Variants in PCDHA3 observed in about 807,000 individuals in gnomAD.
PCDHA3 encodes protocadherin alpha-3.
PCDHA3 carries 41 observed loss-of-function variants against 62.2 expected under a neutral mutation model. That is an observed-to-expected ratio of 0.66 (90% CI 0.51 to 0.86). The LOEUF is 0.86. Ranked by LOEUF, PCDHA3 falls within the 40% of genes least tolerant of loss-of-function variation. The pLI, the probability that PCDHA3 is intolerant of heterozygous loss-of-function variation, is 0.00. For synonymous variants in PCDHA3, 640 were observed against 555.4 expected (o/e 1.15, Z -2.14); for missense variants, 1,304 against 1,241.2 (o/e 1.05, Z -0.76).
chr5:140,999,265 A>G (rs1554256725), intron 3 of PCDHA3, among the ~76,000 whole-genome samples: 1 of 152,226 alleles, frequency 6.6e-6, no homozygotes, highest in African/African-American at 2.4e-5. Flanking sequence ...GTAAAGGAAT[A>G]CTGCATAGTA....
intron 1 of PCDHA3, among the ~76,000 whole-genome samples, chr5:140,934,505 G>C (rs155823): frequency 0.32 from 48,260 of 151,744 alleles, 8,006 homozygotes; most frequent in East Asian, 0.53. Flanking sequence ...ACACCCAAAG[G>C]GTCCATAGAC....
chr5:140,935,379 C>T (rs2090338823), intron 1 of PCDHA3, among the ~76,000 whole-genome samples: 1 of 152,196 alleles, frequency 6.6e-6, no homozygotes, highest in African/African-American at 2.4e-5. Context: ...CAGAATTACT[C>T]ATTTGTTATC....
rs1230159283 is a variant in PCDHA3 at position 140,801,784 on chromosome 5, T to G, written c.587T>G (p.Leu196Trp). ...GAAATTAAATCCCTTGGACTCGTGT[T>G]GAAAAAAAATTTAAATCGAGAGGAC... is the stretch of plus-strand genomic sequence containing the variant. ...DEEIKSLGLV[L>W]KKNLNREDTP... Residue 196 changes from leucine to tryptophan, a missense_variant, in exon 1 of 4, where the codon TTG becomes TGG. Coordinates refer to ENST00000522353, the MANE Select transcript of PCDHA3 (RefSeq NM_018906.3). The G allele has an allele frequency of 5.0e-6, 8 of 1,613,786 alleles. No homozygotes were observed. Among genetic ancestry groups the G allele is most frequent in the African/African-American group, 1.3e-5 (1 of 74,898 alleles).
intron 1 of PCDHA3, chr5:140,852,238 A>G: frequency 1.7e-6 from 1 of 575,312 alleles, no homozygotes; most frequent in South Asian, 7.7e-5. Context: ...ATTTTCCCTT[A>G]AAACACACTT....
At chr5:140,902,437 T>A (rs2069464443) in intron 1 of PCDHA3, among the ~76,000 whole-genome samples, 3 of 152,154 alleles carry the variant, frequency 2.0e-5, no homozygotes, top group Admixed American at 2.0e-4. Context: ...GGCATCCTTG[T>A]CATATTCTAG....
intron 1 of PCDHA3, among the ~76,000 whole-genome samples, chr5:140,951,752 G>A (rs246039): frequency 0.51 from 77,303 of 151,800 alleles, 20,616 homozygotes; most frequent in African/African-American, 0.68. Context: ...CTCACCCTCC[G>A]CGAAATCTCA....
intron 1 of PCDHA3, chr5:140,829,556 C>G: frequency 6.2e-7 from 1 of 1,612,808 alleles, no homozygotes; most frequent in Middle Eastern, 1.9e-4. Flanking sequence ...GGAGAACGCG[C>G]TGGTGTCCTA....
rs1329189325 is a variant in PCDHA3, at chr5:141,010,310, G to C, written c.*373G>C. The C allele has an allele frequency of 6.5e-7, 1 of 1,547,658 alleles. No individual in the cohort carries two copies. The highest frequency in any genetic ancestry group is 8.7e-7 in the Non-Finnish European group (1 of 1,145,866). ...CTTGCAGGGCAGGCTGAAAAGTTTT[G>C]AGATTGAGCAGCTTGGGAGTTTGTG... On this transcript the variant is annotated 3_prime_UTR_variant, in exon 4 of 4. Coordinates refer to ENST00000522353, the MANE Select transcript of PCDHA3 (RefSeq NM_018906.3).
intron 1 of PCDHA3, chr5:140,836,621 G>A (rs2150265986): frequency 1.9e-5 from 31 of 1,613,494 alleles, no homozygotes; most frequent in Non-Finnish European, 2.5e-5. Context: ...GCGCGGTGGG[G>A]AGCTGGTCAT....
chr5:140,821,529 A>C (rs2150109691), intron 1 of PCDHA3: 1 of 437,618 alleles, frequency 2.3e-6, no homozygotes, highest in Non-Finnish European at 4.0e-6. Context: ...AAACAAAATA[A>C]AACACTTACC....
chr5:140,808,702 G>T, intron 1 of PCDHA3: 3 of 1,612,168 alleles, frequency 1.9e-6, no homozygotes, highest in South Asian at 1.1e-5. Context: ...GCGCGCTGTC[G>T]AGCTACGTTT....
At position 140,808,500 on chromosome 5, in the gene PCDHA3, C is replaced by T. The variant is rs527429618; in HGVS notation, c.2394+4909C>T. The T allele has an allele frequency of 2.7e-5, 44 of 1,614,182 alleles. No homozygotes were observed. In the South Asian group the frequency reaches 3.4e-4, roughly 12 times the overall value. On this transcript the variant is annotated intron_variant, in intron 1 of 3. Coordinates refer to ENST00000522353, the MANE Select transcript of PCDHA3 (RefSeq NM_018906.3). ...GGGGGCTCGCCTTCGCTGTGGGCCA[C>T]GGCCAGTGTTTCTGTGGAGGTGGCT...
chr5:140,994,528 C>T (rs1331400819), intron 3 of PCDHA3, among the ~76,000 whole-genome samples: 1 of 137,784 alleles, frequency 7.3e-6, no homozygotes, highest in Non-Finnish European at 1.5e-5. Flanking sequence ...CATGGCAAAA[C>T]CCCATCTCTA....
At chr5:140,808,665 C>T (rs1554124681) in intron 1 of PCDHA3, 12 of 1,613,018 alleles carry the variant, frequency 7.4e-6, no homozygotes, top group South Asian at 1.1e-5. Flanking sequence ...GTGTCCTACT[C>T]GCTGGTAGAG....
chr5:140,928,572 C>T, intron 1 of PCDHA3: 1 of 1,614,200 alleles, frequency 6.2e-7, no homozygotes, highest in Non-Finnish European at 8.5e-7. Flanking sequence ...TTCCCTTGCC[C>T]AGAAATGGTT....
chr5:140,891,378 T>C (rs141028628), intron 1 of PCDHA3, among the ~76,000 whole-genome samples: 2 of 152,104 alleles, frequency 1.3e-5, no homozygotes, highest in African/African-American at 4.8e-5. Context: ...CATTGCACCA[T>C]ATTTGCAATC....
intron 1 of PCDHA3, among the ~76,000 whole-genome samples, chr5:140,943,416 A>T (rs556948015): frequency 2.6e-5 from 4 of 152,286 alleles, no homozygotes; most frequent in African/African-American, 9.6e-5. Flanking sequence ...GACTAGAGGC[A>T]AGGGCTTTAA....
At chr5:140,863,351 C>T in intron 1 of PCDHA3, 1 of 1,288,680 alleles carries the variant, frequency 7.8e-7, no homozygotes, top group Non-Finnish European at 1.1e-6. Context: ...CTGTACACGA[C>T]GCTGCGGTGC....
rs1554151505 is a variant in PCDHA3 at position 140,858,367 on chromosome 5, C to T, written c.2394+54776C>T. 1.8e-5 allele frequency: 28 copies of T among 1,590,300 alleles called. 2 individuals carry two copies. Among genetic ancestry groups the T allele is most frequent in the Non-Finnish European group, 2.3e-5 (27 of 1,162,754 alleles). On this transcript the variant is annotated intron_variant, in intron 1 of 3. Transcript: ENST00000522353. ...CGGACCTCATGGCCTTCAGCCCCAG[C>T]CTTCCACCATGCCCAATGGTAGATG...
Sources: gnomAD v4.1 joint callset for allele counts (sites outside exome capture counted in the v4.1 genomes callset) on GRCh38, gnomAD v4.1.1 for gene constraint, MANE v1.5 for transcripts, NCBI Gene and HGNC (gene_info 2026-07-23, HGNC 2026-07-21) for gene names.